SLC8A1: variants seen among roughly 807,000 people sequenced by gnomAD.
The protein encoded by SLC8A1 is solute carrier family 8 member A1, also known as sodium/calcium exchanger 1.
SLC8A1 carries 18 observed loss-of-function variants against 68.3 expected under a neutral mutation model. That is an observed-to-expected ratio of 0.26 (90% CI 0.18 to 0.39). The LOEUF (loss-of-function observed/expected upper bound fraction) is 0.39. SLC8A1 is among the 10% of genes least tolerant of loss of function. The pLI is 1.00. For synonymous variants in SLC8A1, 475 were observed against 415.5 expected, an observed-to-expected ratio of 1.14 and a Z score of -1.74; for missense variants, 985 against 1,156.7, an observed-to-expected ratio of 0.85 and a Z score of 2.15.
At chr2:40,178,066 C>T (rs774828521) in intron 2 of SLC8A1, among the ~76,000 whole-genome samples, 1 of 152,186 alleles carries the variant, frequency 6.6e-6, no homozygotes, top group Non-Finnish European at 1.5e-5. Flanking sequence ...GAATTATTCC[C>T]GCTTCAGTTA....
intron 1 of SLC8A1, among the ~76,000 whole-genome samples, chr2:40,431,698 T>C (rs1698344954): frequency 1.3e-5 from 2 of 152,132 alleles, no homozygotes; most frequent in South Asian, 4.1e-4. Context: ...GAACATACCC[T>C]TATGTCCTGG....
At chr2:40,341,055 G>C (rs932744173) in intron 2 of SLC8A1, among the ~76,000 whole-genome samples, 26 of 152,174 alleles carry the variant, frequency 1.7e-4, no homozygotes, top group African/African-American at 5.8e-4. Context: ...AGAGTAGAAA[G>C]GAATGGAGTA....
At chr2:40,391,162 T>C (rs895700920) in intron 2 of SLC8A1, among the ~76,000 whole-genome samples, 4 of 81,434 alleles carry the variant, frequency 4.9e-5, no homozygotes, top group Admixed American at 3.9e-4. Context: ...TATATAAATA[T>C]ATATGTAGAT....
chr2:40,432,701 A>C (rs1028687388), intron 1 of SLC8A1, among the ~76,000 whole-genome samples: 5 of 151,946 alleles, frequency 3.3e-5, no homozygotes, highest in African/African-American at 9.7e-5. Context: ...CTGAATTGCC[A>C]TAAGGCATGG....
intron 2 of SLC8A1, among the ~76,000 whole-genome samples, chr2:40,331,608 T>C (rs187351210): frequency 9.7e-4 from 148 of 152,268 alleles, no homozygotes; most frequent in African/African-American, 3.4e-3. Context: ...TTTATTTTTT[T>C]TTTGAGACGG....
chr2:40,354,063 TG>T (rs1467108237), intron 2 of SLC8A1, among the ~76,000 whole-genome samples: 11 of 152,290 alleles, frequency 7.2e-5, no homozygotes, highest in Non-Finnish European at 1.6e-4. Context: ...GCCCCAGAAA[TG>T]GGGTTGCAAG....
At chr2:40,162,842 A>G (rs1419835876) in intron 5 of SLC8A1, among the ~76,000 whole-genome samples, 1 of 152,162 alleles carries the variant, frequency 6.6e-6, no homozygotes, top group Non-Finnish European at 1.5e-5. Flanking sequence ...CAGTCACACC[A>G]TAGTAAATAA....
chr2:40,317,066 T>G (rs534994673), intron 2 of SLC8A1, among the ~76,000 whole-genome samples: 1 of 152,178 alleles, frequency 6.6e-6, no homozygotes, highest in Admixed American at 6.6e-5. Flanking sequence ...CATTCAGTTT[T>G]AGTAGGATTA....
intron 2 of SLC8A1, among the ~76,000 whole-genome samples, chr2:40,403,596 A>T (rs1689413640): frequency 6.6e-6 from 1 of 152,230 alleles, no homozygotes. Flanking sequence ...TGACTCATTA[A>T]ATATTCCAGG....
At chr2:40,115,166 G>C (rs1308628488) in exon 8 of SLC8A1, 1 of 1,003,814 alleles carries the variant, frequency 1.0e-6, no homozygotes, top group Non-Finnish European at 1.3e-6. Flanking sequence ...AAGTGAACAT[G>C]ACAAATGTCA....
exon 2 of SLC8A1, chr2:40,428,616 G>A (rs916945926): frequency 2.5e-6 from 4 of 1,613,800 alleles, no homozygotes; most frequent in African/African-American, 2.7e-5. Flanking sequence ...TCACCTCCAT[G>A]ATGCCAATGC....
At chr2:40,340,716 T>C (rs1178827768) in intron 2 of SLC8A1, among the ~76,000 whole-genome samples, 2 of 152,170 alleles carry the variant, frequency 1.3e-5, no homozygotes, top group East Asian at 3.9e-4. Flanking sequence ...AGTTTAATTC[T>C]TGAGACTGGC....
At chr2:40,328,131 T>C (rs2076040692) in intron 2 of SLC8A1, among the ~76,000 whole-genome samples, 1 of 152,062 alleles carries the variant, frequency 6.6e-6, no homozygotes, top group South Asian at 2.1e-4. Flanking sequence ...TTCTGAGGTT[T>C]GGATGAGTTG....
chr2:40,340,111 T>G lies in SLC8A1; in HGVS notation c.1808+88362A>C, dbSNP rs76688092. On this transcript the variant is annotated intron_variant, in intron 2 of 7. Transcript: ENST00000406785. ...GCTCATATCCTCATTAAAATTTGAC[T>G]CTTTCTTTTAAGTCAAGATATATTG... Among the ~76,000 whole-genome samples the G allele has an allele frequency of 7.5e-3, 1,145 of 152,338 alleles. 15 individuals are homozygous for G. The highest frequency in any genetic ancestry group is 0.026 in the African/African-American group (1,081 of 41,584).
At chr2:40,335,821 G>C (rs764172651) in intron 2 of SLC8A1, among the ~76,000 whole-genome samples, 17 of 152,222 alleles carry the variant, frequency 1.1e-4, no homozygotes, top group Middle Eastern at 6.3e-3. Context: ...TGTGAATACA[G>C]GCTCTTTGGG....
chr2:40,504,389 T>A (rs1320050160), intron 1 of SLC8A1, among the ~76,000 whole-genome samples: 1 of 152,044 alleles, frequency 6.6e-6, no homozygotes, highest in South Asian at 2.1e-4. Flanking sequence ...CTCCAGCACA[T>A]TGGTCTGGGC....
intron 1 of SLC8A1, among the ~76,000 whole-genome samples, chr2:40,506,945 A>G (rs981376009): frequency 5.9e-5 from 9 of 151,496 alleles, no homozygotes; most frequent in African/African-American, 1.7e-4. Flanking sequence ...CAAAAGTACA[A>G]CTGAGCAATT....
rs866592749 is a variant in SLC8A1, at chr2:40,365,217, C to T, written c.1808+63256G>A. On this transcript the variant is annotated intron_variant, in intron 2 of 7. Transcript: ENST00000406785. The stretch of plus-strand genomic sequence containing the variant: ...TACCCACATTTTACATATGACTAAA[C>T]CAAAAAAAAAAATGAAAGCGGGACA... Among the ~76,000 whole-genome samples, 29 of 150,050 alleles carry T rather than the reference C, an allele frequency of 1.9e-4. 1 individual carries two copies. The highest frequency in any genetic ancestry group is 3.4e-3 in the Middle Eastern group (1 of 294).
chr2:40,157,236 T>C (rs2044709368), intron 6 of SLC8A1, among the ~76,000 whole-genome samples: 2 of 152,200 alleles, frequency 1.3e-5, no homozygotes, highest in Admixed American at 6.5e-5. Flanking sequence ...ATGGCCTTTG[T>C]GAAAATGCAT....
Sources: allele counts gnomAD v4.1 joint callset (sites outside exome capture counted in the v4.1 genomes callset), GRCh38; gene constraint gnomAD v4.1.1; transcripts MANE v1.5; gene names NCBI Gene and HGNC (gene_info 2026-07-23, HGNC 2026-07-21).